Variants in SLAMF6 observed in about 807,000 individuals in gnomAD.
SLAMF6 encodes SLAM family member 6.
In SLAMF6, 21 loss-of-function variants were observed where a neutral mutation model predicts 38.3. The observed-to-expected ratio is 0.55, with a 90% CI of 0.39 to 0.79. SLAMF6 has a LOEUF of 0.79. Ranked by LOEUF, SLAMF6 falls within the 30% of genes least tolerant of loss-of-function variation. The pLI is 0.00. For missense variants in SLAMF6, 341 were observed against 385.3 expected, an observed-to-expected ratio of 0.89 and a Z score of 0.96; for synonymous variants, 152 against 146.3, an observed-to-expected ratio of 1.04 and a Z score of -0.28.
At chr1:160,520,868 C>G (rs1654954686) in intron 1 of SLAMF6, among the ~76,000 whole-genome samples, 1 of 152,156 alleles carries the variant, frequency 6.6e-6, no homozygotes, top group Non-Finnish European at 1.5e-5. Flanking sequence ...CTAAATCACT[C>G]CAGGCTCTTT....
At chr1:160,495,972 G>A (rs1571289273) in intron 2 of SLAMF6, 89 bp downstream of exon 2, 2 of 1,201,892 alleles carry the variant, frequency 1.7e-6, no homozygotes, top group East Asian at 2.4e-5. Flanking sequence ...TTTACCACTA[G>A]GCGACAGTGC....
intron 2 of SLAMF6, among the ~76,000 whole-genome samples, chr1:160,492,922 A>G (rs567408262): frequency 4.6e-4 from 70 of 152,320 alleles, no homozygotes; most frequent in African/African-American, 1.6e-3. Flanking sequence ...GATCCAAGCT[A>G]GCATCAACTC....
chr1:160,491,519 A>G (rs1029495145), intron 2 of SLAMF6, 131 bp from the exon 3 acceptor site: 137 of 1,326,354 alleles, frequency 1.0e-4, no homozygotes, highest in Non-Finnish European at 1.3e-4. Flanking sequence ...GACTCTGTAA[A>G]TGACTCTGCT....
chr1:160,509,430 C>T (rs1654356772), intron 1 of SLAMF6, among the ~76,000 whole-genome samples: 1 of 151,594 alleles, frequency 6.6e-6, no homozygotes, highest in Non-Finnish European at 1.5e-5. Context: ...CACATGTTCT[C>T]ATTCATAGGT....
At chr1:160,521,941 C>T (rs1426169236) in intron 1 of SLAMF6, among the ~76,000 whole-genome samples, 1 of 152,152 alleles carries the variant, frequency 6.6e-6, no homozygotes, top group South Asian at 2.1e-4. Context: ...TTGTCTCCTG[C>T]TAAAATGTTA....
At chr1:160,497,080 G>A (rs1653623725) in intron 1 of SLAMF6, among the ~76,000 whole-genome samples, 2 of 152,156 alleles carry the variant, frequency 1.3e-5, no homozygotes, top group Admixed American at 6.5e-5. Flanking sequence ...CAGTGACTTT[G>A]TGCTGTCTTC....
chr1:160,491,955 G>A (rs1653327517), intron 2 of SLAMF6, among the ~76,000 whole-genome samples: 2 of 152,160 alleles, frequency 1.3e-5, no homozygotes, highest in African/African-American at 4.8e-5. Context: ...AGACTCAGAT[G>A]TAGAAGGTCA....
chr1:160,489,062 T>C, intron 6 of SLAMF6, 26 bp downstream of exon 6: 1 of 1,577,716 alleles, frequency 6.3e-7, no homozygotes, highest in Non-Finnish European at 8.7e-7. Context: ...CTGACAACAA[T>C]GGCATATAAA....
intron 2 of SLAMF6, 120 bp downstream of exon 2, chr1:160,495,941 A>G (rs1273488933): frequency 4.5e-6 from 4 of 882,158 alleles, no homozygotes; most frequent in East Asian, 2.5e-5. Context: ...CACTGACTCA[A>G]TGACTCCAAA....
intron 1 of SLAMF6, among the ~76,000 whole-genome samples, chr1:160,513,868 A>G (rs1654616070): frequency 6.6e-6 from 1 of 152,232 alleles, no homozygotes; most frequent in Admixed American, 6.5e-5. Flanking sequence ...AGGAAGCACT[A>G]AATATGGAAA....
chr1:160,496,361 A>G lies in SLAMF6; in HGVS notation c.82T>C (p.Leu28=), dbSNP rs746216942. ...NVVSQSSLTP[L]MVNGILGESV... is the part of the protein sequence containing the mutation. ...TCCCCCAGAATCCCGTTCACCATCA[A>G]TGGGGTTAAGCTGCTTTGTGAAACT... Residue 28 remains leucine, a synonymous_variant, in exon 2 of 8, where the codon TTG becomes CTG. Coordinates refer to ENST00000368057, the MANE Select transcript of SLAMF6 (RefSeq NM_001184714.2). 6.8e-6 allele frequency: 11 copies of G among 1,613,816 alleles called. No individual in the cohort carries two copies. The highest frequency in any genetic ancestry group is 1.1e-5 in the South Asian group (1 of 91,080).
chr1:160,507,396 A>G (rs1654243810), intron 1 of SLAMF6, among the ~76,000 whole-genome samples: 1 of 152,172 alleles, frequency 6.6e-6, no homozygotes, highest in Non-Finnish European at 1.5e-5. Flanking sequence ...TAAAGCAAAC[A>G]GTAACAAAAT....
chr1:160,515,326 C>T lies in SLAMF6; in HGVS notation c.49+7818G>A, dbSNP rs182118283. Among the ~76,000 whole-genome samples the T allele has an allele frequency of 3.1e-3, 479 of 152,266 alleles. 2 individuals carry two copies. The highest frequency in any genetic ancestry group is 0.011 in the African/African-American group (462 of 41,546). On this transcript the variant is annotated intron_variant, in intron 1 of 7. Coordinates refer to ENST00000368057, the MANE Select transcript of SLAMF6 (RefSeq NM_001184714.2). Reference sequence around the variant, plus strand: ...ACTGAACCAGGAGGAAGCTGAATCCCTGAATAGACCAATAACAAATTCTGA... The same window carrying T: ...ACTGAACCAGGAGGAAGCTGAATCCTTGAATAGACCAATAACAAATTCTGA...
rs1653266533 is a variant in SLAMF6, at chr1:160,491,105, G to C, written c.646+20C>G. ...ACCCCATAGCTGCTCAAGGCTCTCA[G>C]ACCTGAGGCAGGCTGTTACCTTCGC... On this transcript the variant is annotated intron_variant, in intron 3 of 7. Coordinates refer to ENST00000368057, the MANE Select transcript of SLAMF6 (RefSeq NM_001184714.2). 2 of 1,612,462 alleles carry C rather than the reference G, an allele frequency of 1.2e-6. No individual in the cohort carries two copies. Among genetic ancestry groups the C allele is most frequent in the Non-Finnish European group, 1.7e-6 (2 of 1,179,560 alleles).
intron 1 of SLAMF6, among the ~76,000 whole-genome samples, chr1:160,515,348 C>G (rs1007974170): frequency 6.6e-6 from 1 of 152,218 alleles, no homozygotes; most frequent in African/African-American, 2.4e-5. Flanking sequence ...ATAACAAATT[C>G]TGAAATTGAG....
intron 3 of SLAMF6, 55 bp downstream of exon 3, chr1:160,491,070 G>A: frequency 6.3e-7 from 1 of 1,595,464 alleles, no homozygotes. Flanking sequence ...AGGATGTGAG[G>A]ACGCGTTAAA....
intron 1 of SLAMF6, among the ~76,000 whole-genome samples, chr1:160,512,733 C>G (rs1415729124): frequency 6.6e-6 from 1 of 152,062 alleles, no homozygotes; most frequent in Non-Finnish European, 1.5e-5. Context: ...TGAATAGGAT[C>G]TGGAGTGGGC....
At chr1:160,500,324 C>T (rs984068100) in intron 1 of SLAMF6, among the ~76,000 whole-genome samples, 9 of 152,222 alleles carry the variant, frequency 5.9e-5, no homozygotes, top group African/African-American at 2.2e-4. Flanking sequence ...CTTTCTTTGA[C>T]CTAATTCCTA....
At chr1:160,494,370 A>G (rs1256596299) in intron 2 of SLAMF6, among the ~76,000 whole-genome samples, 3 of 152,132 alleles carry the variant, frequency 2.0e-5, no homozygotes, top group Admixed American at 1.3e-4. Flanking sequence ...GAAGCCTGGT[A>G]CCCATTTCAG....
Sources: gnomAD v4.1 joint callset for allele counts (sites outside exome capture counted in the v4.1 genomes callset) on GRCh38, gnomAD v4.1.1 for gene constraint, MANE v1.5 for transcripts, NCBI Gene and HGNC (gene_info 2026-07-23, HGNC 2026-07-21) for gene names.